Variants in CER1 observed in about 807,000 individuals in gnomAD.
The protein encoded by CER1 is cerberus.
Under a neutral mutation model 11.8 loss-of-function variants are expected in CER1, and 10 were observed. That is an observed-to-expected ratio of 0.85 (90% CI 0.52 to 1.44). CER1 has a LOEUF of 1.44. Among genes scored for constraint, CER1 ranks in the 40% most tolerant of loss-of-function variants. The pLI is 0.00. For missense variants in CER1, 431 were observed against 327.0 expected (o/e 1.32, Z -2.45); for synonymous variants, 141 against 122.3 (o/e 1.15, Z -1.01).
At position 14,720,186 on chromosome 9, in the gene CER1, C is replaced by T. The variant is rs1199099231; in HGVS notation, c.708G>A (p.Val236=). ...LSSVIKVVML[V]EECQCKVKTE... ...TCTTCACCTTGCACTGGCACTCCTCCACCAGCATCACCACCTTGATCACGG... is the reference window on the plus strand; with the variant it reads ...TCTTCACCTTGCACTGGCACTCCTCTACCAGCATCACCACCTTGATCACGG... The change falls in exon 2 of 2, where the codon GTG becomes GTA. Residue 236 remains valine, a synonymous_variant. Transcript: ENST00000380911. 6.2e-7 allele frequency: 1 copy of T among 1,614,042 alleles called. No homozygotes were observed. Among genetic ancestry groups the T allele is most frequent in the African/African-American group, 1.3e-5 (1 of 74,922 alleles).
rs753586509 is a variant in CER1 at position 14,720,248 on chromosome 9, T to C, written c.646A>G (p.Thr216Ala). ...CSHCLPAKFT[T>A]MHLPLNCTEL... ...GTGCAGTTCAGTGGCAAGTGCATCG[T>C]GGTGAACTTGGCAGGCAAACAGTGA... is the stretch of plus-strand genomic sequence containing the variant. Residue 216 changes from threonine (T) to alanine (A), a missense_variant, in exon 2 of 2, where the codon ACG becomes GCG. Physicochemically the swap from Thr to Ala is moderately conservative, Grantham distance 58. Coordinates refer to ENST00000380911, the MANE Select transcript of CER1 (RefSeq NM_005454.3). 15 of 1,614,098 alleles carry C rather than the reference T, an allele frequency of 9.3e-6. No homozygotes were observed. In the South Asian group the frequency reaches 1.1e-4, roughly 12 times the overall value.
At chr9:14,719,209 T>C (rs947489367), downstream of CER1, among the ~76,000 whole-genome samples, 58 of 152,350 alleles carry the variant, frequency 3.8e-4, no homozygotes, top group African/African-American at 1.4e-3. Context: ...TCTCTAAACC[T>C]GGTAGTAGTC....
rs1006445515 is a variant in CER1 at position 14,720,341 on chromosome 9, G to A, written c.553C>T (p.Leu185Phe). 2 of 1,613,748 alleles carry A rather than the reference G, an allele frequency of 1.2e-6. No individual in the cohort carries two copies. The highest frequency in any genetic ancestry group is 2.2e-5 in the East Asian group (1 of 44,886). Residue 185 changes from leucine (L) to phenylalanine (F), a missense_variant, in exon 2 of 2, where the codon CTT becomes TTT. By Grantham distance (22) the Leu-to-Phe change is conservative. Coordinates refer to ENST00000380911, the MANE Select transcript of CER1 (RefSeq NM_005454.3). ...ACAGACCCGCATTTCCCAAAGCAAA[G>A]GTTGTTCTGAACAACTACTTTTTCA... The part of the protein sequence containing the change: ...GCEKVVVQNN[L>F]CFGKCGSVHF...
chr9:14,720,384 A>T lies in CER1; in HGVS notation c.510T>A (p.Thr170=). 6.2e-7 allele frequency: 1 copy of T among 1,606,176 alleles called. No homozygotes were observed. ...CTTTTTCACAGCCTTCGTGGGTTAT[A>T]GTCTAAAAAGCAAACACATTTCCAT... ...ETCRTVPFSQ[T]ITHEGCEKVV... The change falls in exon 2 of 2, where the codon ACT becomes ACA. Residue 170 remains threonine, a splice_region_variant and synonymous_variant. Coordinates refer to ENST00000380911, the MANE Select transcript of CER1 (RefSeq NM_005454.3).
At chr9:14,720,439 A>C in intron 1 of CER1, 53 bp from the exon 2 acceptor site, 2 of 1,503,418 alleles carry the variant, frequency 1.3e-6, no homozygotes, top group Non-Finnish European at 1.8e-6. Context: ...TCTTTAACAC[A>C]CATAATGCAG....
intron 1 of CER1, 137 bp downstream of exon 1, chr9:14,722,029 A>G: frequency 3.0e-6 from 3 of 1,002,684 alleles, no homozygotes; most frequent in East Asian, 2.4e-5. Context: ...GCCAAATCCT[A>G]TGATGAATGC....
downstream of CER1, among the ~76,000 whole-genome samples, chr9:14,717,578 C>T (rs1410603715): frequency 6.6e-6 from 1 of 151,930 alleles, no homozygotes; most frequent in Admixed American, 6.6e-5. Flanking sequence ...AAAATGAGAC[C>T]AGGATTTATG....
downstream of CER1, among the ~76,000 whole-genome samples, chr9:14,717,857 G>C (rs574950897): frequency 4.6e-5 from 7 of 152,164 alleles, no homozygotes; most frequent in South Asian, 1.5e-3. Context: ...ACTTTTAAAG[G>C]CTTGCTTTTC....
At position 14,722,301 on chromosome 9, in the gene CER1, A is replaced by G. The variant is rs760151827; in HGVS notation, c.372T>C (p.Ser124=). 5.0e-6 allele frequency: 8 copies of G among 1,614,170 alleles called. No homozygotes were observed. In the South Asian group the frequency reaches 6.6e-5, roughly 13 times the overall value. ...ATTTCTTGGCTTCTTCCCGAAGAGG[A>G]GATTTCTCCATTTTCATTCCATCTA... is the stretch of plus-strand genomic sequence containing the variant. The part of the protein sequence containing the change: ...QPIDGMKMEK[S]PLREEAKKFW... The change falls in exon 1 of 2, where the codon TCT becomes TCC. Residue 124 remains serine, a synonymous_variant. Transcript: ENST00000380911.
At position 14,722,039 on chromosome 9, in the gene CER1, C is replaced by T. The variant is rs1840019802; in HGVS notation, c.507+127G>A. The T allele has an allele frequency of 1.7e-5, 19 of 1,109,364 alleles. No homozygotes were observed. The South Asian group carries it at 2.7e-4, about 16-fold the overall frequency. 68.7% of individuals were successfully genotyped at this position (1,109,364 alleles called of 1,614,324 possible). On this transcript the variant is annotated intron_variant, in intron 1 of 1. Coordinates refer to ENST00000380911, the MANE Select transcript of CER1 (RefSeq NM_005454.3). ...TCTTTGCCAAATCCTATGATGAATG[C>T]CCAAGGACCAAATCTGTAGTTAAGC...
rs761380793 is a variant in CER1, at chr9:14,720,171, G to A, written c.723C>T (p.Cys241=). The stretch of plus-strand genomic sequence containing the variant: ...CATCTTCATGCTCCGTCTTCACCTT[G>A]CACTGGCACTCCTCCACCAGCATCA... ...KVVMLVEECQ[C]KVKTEHEDGH... Residue 241 remains cysteine (C), a synonymous_variant, in exon 2 of 2, where the codon TGC becomes TGT. Transcript: ENST00000380911. The A allele has an allele frequency of 3.7e-6, 6 of 1,613,996 alleles. No homozygotes were observed. The highest frequency in any genetic ancestry group is 1.6e-4 in the Middle Eastern group (1 of 6,072).
downstream of CER1, among the ~76,000 whole-genome samples, chr9:14,717,326 T>C (rs144605676): frequency 2.6e-4 from 40 of 152,220 alleles, no homozygotes; most frequent in African/African-American, 9.6e-4. Context: ...AAGCAAAAGA[T>C]GACAAAATAG....
At chr9:14,718,179 A>G (rs1241080022), downstream of CER1, among the ~76,000 whole-genome samples, 2 of 152,214 alleles carry the variant, frequency 1.3e-5, no homozygotes, top group Non-Finnish European at 2.9e-5. Context: ...CCAAAATTTG[A>G]ATAAAACAGA....
rs773998484 is a variant in CER1 at position 14,722,602 on chromosome 9, C to A, written c.71G>T (p.Arg24Leu). 1 of 1,610,460 alleles carries A rather than the reference C, an allele frequency of 6.2e-7. No homozygotes were observed. The highest frequency in any genetic ancestry group is 8.5e-7 in the Non-Finnish European group (1 of 1,179,960). The change falls in exon 1 of 2, where the codon CGC (arginine) becomes CTC (leucine). Residue 24 changes from arginine (R) to leucine (L), a missense_variant. By Grantham distance (102) the Arg-to-Leu change is moderately radical. Transcript: ENST00000380911. ...GGGGGAAAGAGAACTCTGATTCTGG[C>A]GGCCATCCTGGTGCCGTGTGGTCTT... The part of the protein sequence containing the change: ...LGKTTRHQDG[R>L]QNQSSLSPVL...
At position 14,722,327 on chromosome 9, in the gene CER1, T is replaced by G; in HGVS notation, c.346A>C (p.Ile116Leu). The change falls in exon 1 of 2, where the codon ATA becomes CTA. Residue 116 changes from isoleucine (I) to leucine (L), a missense_variant. By Grantham distance (5) the Ile-to-Leu change is conservative. Coordinates refer to ENST00000380911, the MANE Select transcript of CER1 (RefSeq NM_005454.3). ...GATTTCTCCATTTTCATTCCATCTA[T>G]CGGCTGGATGAGGGACTGGGTCCCA... ...PPGTQSLIQP[I>L]DGMKMEKSPL... 2 of 1,614,172 alleles carry G rather than the reference T, an allele frequency of 1.2e-6. No homozygotes were observed. Among genetic ancestry groups the G allele is most frequent in the Non-Finnish European group, 1.7e-6 (2 of 1,180,030 alleles).
chr9:14,720,308 G>A lies in CER1; in HGVS notation c.586C>T (p.Pro196Ser). Residue 196 changes from proline to serine, a missense_variant, in exon 2 of 2, where the codon CCT becomes TCT. Pro to Ser is a moderately conservative substitution (Grantham distance 74). Transcript: ENST00000380911. ...CFGKCGSVHFPGAAQHSHTSC... is the reference protein window; with the variant it reads ...CFGKCGSVHFSGAAQHSHTSC... ...GTATGGGAGTGCTGCGCGGCTCCAG[G>A]AAAATGAACAGACCCGCATTTCCCA... 1.9e-6 allele frequency: 3 copies of A among 1,614,094 alleles called. No individual in the cohort carries two copies. The highest frequency in any genetic ancestry group is 2.5e-6 in the Non-Finnish European group (3 of 1,180,038).
downstream of CER1, among the ~76,000 whole-genome samples, chr9:14,717,820 T>C (rs1839956889): frequency 6.6e-6 from 1 of 152,208 alleles, no homozygotes; most frequent in Non-Finnish European, 1.5e-5. Flanking sequence ...GAAAATATTC[T>C]CCAAATGCTC....
Position 14,720,086 on chromosome 9 carries a change from C to A in CER1, c.*4G>T, listed in dbSNP as rs374758193. 3 of 1,611,452 alleles carry A rather than the reference C, an allele frequency of 1.9e-6. No individual in the cohort carries two copies. The South Asian group carries it at 3.3e-5, about 18-fold the overall frequency. On this transcript the variant is annotated 3_prime_UTR_variant, in exon 2 of 2. Coordinates refer to ENST00000380911, the MANE Select transcript of CER1 (RefSeq NM_005454.3). ...CTTTTCAAAGGTAATAGTGGGATAG[C>A]TCTTCAAGCTGAAACTCCTGGGATA... is the stretch of plus-strand genomic sequence containing the variant.
chr9:14,722,230 A>AC lies in CER1; in HGVS notation c.442dup (p.Val148GlyfsTer9). On this transcript the variant is annotated frameshift_variant, in exon 1 of 2. Transcript: ENST00000380911. LOFTEE classifies it high-confidence loss of function. ...TTCATGGCTTTTGATGGGCAAGATG[A>AC]CCCCCTGAGAAGCCGGAGTTTTTCT... is the stretch of plus-strand genomic sequence containing the variant. The AC allele has an allele frequency of 6.2e-7, 1 of 1,614,070 alleles. No individual in the cohort carries two copies. The highest frequency in any genetic ancestry group is 1.3e-5 in the African/African-American group (1 of 75,004).
Sources: gnomAD v4.1 joint callset for allele counts (sites outside exome capture counted in the v4.1 genomes callset) on GRCh38, gnomAD v4.1.1 for gene constraint, MANE v1.5 for transcripts, NCBI Gene and HGNC (gene_info 2026-07-23, HGNC 2026-07-21) for gene names.